MTHFD1L: variants seen among roughly 807,000 people sequenced by gnomAD.
MTHFD1L encodes monofunctional C1-tetrahydrofolate synthase, mitochondrial.
A neutral mutation model predicts 119.5 loss-of-function variants in MTHFD1L; 81 were observed. The observed-to-expected ratio is 0.68, with a 90% CI of 0.57 to 0.82. The LOEUF is 0.82. MTHFD1L is among the 40% of genes least tolerant of loss of function. The pLI, the probability that MTHFD1L is intolerant of heterozygous loss-of-function variation, is 0.00. For synonymous variants in MTHFD1L, 430 were observed against 475.2 expected (o/e 0.90, Z 1.24); for missense variants, 1,125 against 1,253.4 (o/e 0.90, Z 1.55).
At chr6:150,936,389 C>T (rs1583653174) in intron 11 of MTHFD1L, among the ~76,000 whole-genome samples, 2 of 152,168 alleles carry the variant, frequency 1.3e-5, no homozygotes, top group Non-Finnish European at 2.9e-5. Flanking sequence ...ACCCAAGGAC[C>T]GTTGAGCTAG....
intron 24 of MTHFD1L, among the ~76,000 whole-genome samples, chr6:151,025,544 A>G (rs1784508786): frequency 1.3e-5 from 2 of 152,242 alleles, no homozygotes; most frequent in Admixed American, 6.5e-5. Flanking sequence ...CAAAATACGA[A>G]TGGAAATAAT....
At chr6:150,893,330 G>T (rs1177165716) in intron 7 of MTHFD1L, among the ~76,000 whole-genome samples, 1 of 152,166 alleles carries the variant, frequency 6.6e-6, no homozygotes, top group African/African-American at 2.4e-5. Context: ...CTCTCAAAGT[G>T]CTGGAATTAG....
At chr6:150,923,395 C>T (rs530890948) in intron 10 of MTHFD1L, among the ~76,000 whole-genome samples, 2 of 152,144 alleles carry the variant, frequency 1.3e-5, no homozygotes, top group South Asian at 2.1e-4. Flanking sequence ...GAATTGGCCC[C>T]ACCCCCATTA....
intron 26 of MTHFD1L, among the ~76,000 whole-genome samples, chr6:151,086,093 A>G (rs1793766293): frequency 6.6e-6 from 1 of 152,180 alleles, no homozygotes; most frequent in Middle Eastern, 3.2e-3. Flanking sequence ...AGAGAGAAGT[A>G]TACTCTAAGA....
intron 4 of MTHFD1L, among the ~76,000 whole-genome samples, chr6:150,878,039 G>A (rs896594353): frequency 1.3e-5 from 2 of 152,152 alleles, no homozygotes; most frequent in African/African-American, 2.4e-5. Context: ...CTTGAGTTGC[G>A]ACTTGTTGAG....
At chr6:151,042,138 G>C in intron 26 of MTHFD1L, 1 of 215,880 alleles carries the variant, frequency 4.6e-6, no homozygotes, top group South Asian at 6.6e-5. Context: ...AGCATTCCCA[G>C]CTCGTGGTCA....
At chr6:151,081,984 T>C (rs1793234062) in intron 26 of MTHFD1L, among the ~76,000 whole-genome samples, 1 of 152,170 alleles carries the variant, frequency 6.6e-6, no homozygotes, top group South Asian at 2.1e-4. Context: ...ATGATTTCCT[T>C]GCCAGTAGGA....
intron 26 of MTHFD1L, among the ~76,000 whole-genome samples, chr6:151,069,850 A>G (rs748772910): frequency 7.9e-5 from 12 of 152,208 alleles, no homozygotes; most frequent in Non-Finnish European, 1.5e-4. Context: ...AGATCCCTCA[A>G]CGAGTCCCAG....
At chr6:151,096,482 C>T (rs961938542) in intron 27 of MTHFD1L, among the ~76,000 whole-genome samples, 2 of 152,172 alleles carry the variant, frequency 1.3e-5, no homozygotes, top group Non-Finnish European at 2.9e-5. Flanking sequence ...TCGGTAATGA[C>T]CCAGCAAGTA....
At chr6:151,050,409 G>A (rs920172958) in intron 26 of MTHFD1L, among the ~76,000 whole-genome samples, 7 of 152,190 alleles carry the variant, frequency 4.6e-5, no homozygotes, top group East Asian at 1.9e-4. Context: ...TGACCCGCCC[G>A]CCTTGGCCTC....
chr6:151,056,436 G>A (rs1244070283), intron 26 of MTHFD1L, among the ~76,000 whole-genome samples: 1 of 152,158 alleles, frequency 6.6e-6, no homozygotes, highest in Admixed American at 6.6e-5. Flanking sequence ...CAGCCACCCG[G>A]CTTTTTCTGA....
At chr6:150,901,607 G>C (rs1785111495) in intron 7 of MTHFD1L, among the ~76,000 whole-genome samples, 1 of 152,202 alleles carries the variant, frequency 6.6e-6, no homozygotes, top group Admixed American at 6.5e-5. Context: ...TTCATTGAGA[G>C]TGAAAATCAA....
chr6:150,998,928 G>T (rs1256882673), intron 20 of MTHFD1L, among the ~76,000 whole-genome samples: 1 of 150,422 alleles, frequency 6.6e-6, no homozygotes, highest in African/African-American at 2.4e-5. Context: ...GGCAGAGGTT[G>T]CAGTGAGCCA....
intron 26 of MTHFD1L, among the ~76,000 whole-genome samples, chr6:151,068,407 A>T (rs1791561873): frequency 6.6e-6 from 1 of 152,212 alleles, no homozygotes; most frequent in African/African-American, 2.4e-5. Context: ...TTGTTCTTGG[A>T]CATAGTTAAT....
chr6:151,009,953 C>A lies in MTHFD1L; in HGVS notation c.2260C>A (p.Pro754Thr). 1 of 1,603,402 alleles carries A rather than the reference C, an allele frequency of 6.2e-7. No homozygotes were observed. Among genetic ancestry groups the A allele is most frequent in the Admixed American group, 1.7e-5 (1 of 57,440 alleles). ...VRALKMHGGG[P>T]SVTAGVPLKK... ...AGCTCTGAAGATGCATGGAGGCGGG[C>A]CAAGTGTAAGTGCCCACACCGCCTT... The change falls in exon 21 of 28, where the codon CCA (proline) becomes ACA (threonine). Residue 754 changes from proline to threonine, a missense_variant. This residue lies in a region of MTHFD1L where 1,058 missense variants were observed against 1,151.2 expected (regional missense o/e 0.92). Transcript: ENST00000367321.
chr6:151,058,825 C>T (rs1268431720), intron 26 of MTHFD1L, among the ~76,000 whole-genome samples: 7 of 152,184 alleles, frequency 4.6e-5, no homozygotes, highest in Non-Finnish European at 7.3e-5. Flanking sequence ...AGGCATGTGC[C>T]GCCACGCCAG....
intron 23 of MTHFD1L, 104 bp downstream of exon 23, chr6:151,015,084 G>T: frequency 1.1e-6 from 1 of 884,316 alleles, no homozygotes; most frequent in Admixed American, 2.8e-5. Context: ...TCATCTAAAA[G>T]TATACAGAAA....
chr6:150,876,301 C>G, intron 2 of MTHFD1L, 127 bp downstream of exon 2: 1 of 768,664 alleles, frequency 1.3e-6, no homozygotes, highest in East Asian at 2.8e-5. Context: ...ATGCTGTTTT[C>G]TTTGGTCTTT....
chr6:150,919,210 T>G (rs963697057), intron 9 of MTHFD1L, among the ~76,000 whole-genome samples: 1 of 151,850 alleles, frequency 6.6e-6, no homozygotes, highest in African/African-American at 2.4e-5. Flanking sequence ...GAAAACAGAT[T>G]TAATTGGCTC....
Sources: allele counts gnomAD v4.1 joint callset (sites outside exome capture counted in the v4.1 genomes callset), GRCh38; gene constraint gnomAD v4.1.1; regional missense constraint gnomAD v4.1.1; transcripts MANE v1.5; gene names NCBI Gene and HGNC (gene_info 2026-07-23, HGNC 2026-07-21).